The following ZNF704 variants were observed in gnomAD, a reference collection of about 807,000 sequenced individuals.
The protein encoded by ZNF704 is glucocorticoid induced gene 1.
Under a neutral mutation model 44.7 loss-of-function variants are expected in ZNF704, and 10 were observed. The observed-to-expected ratio is 0.22, with a 90% CI of 0.14 to 0.38. The LOEUF is 0.38. Ranked by LOEUF, ZNF704 falls within the 10% of genes least tolerant of loss-of-function variation. ZNF704 has a pLI of 1.00. For synonymous variants in ZNF704, 211 were observed against 207.6 expected, an observed-to-expected ratio of 1.02 and a Z score of -0.14; for missense variants, 390 against 545.5, an observed-to-expected ratio of 0.71 and a Z score of 2.84.
chr8:80,695,444 C>T lies in ZNF704; in HGVS notation c.222-2337G>A, dbSNP rs182980371. On this transcript the variant is annotated intron_variant, in intron 2 of 8. Coordinates refer to ENST00000327835, the MANE Select transcript of ZNF704 (RefSeq NM_001033723.3). ...GGTTTAAGAACCAGGATAGGAGGCCCGTGCACCTGGTATAGGTGGATGACA... is the reference window on the plus strand; with the variant it reads ...GGTTTAAGAACCAGGATAGGAGGCCTGTGCACCTGGTATAGGTGGATGACA... Among the ~76,000 whole-genome samples, 21 of 152,332 alleles carry T rather than the reference C, an allele frequency of 1.4e-4. 1 individual carries two copies. Among genetic ancestry groups the T allele is most frequent in the Admixed American group, 1.2e-3 (18 of 15,310 alleles).
chr8:80,680,685 C>T (rs1481514680), intron 4 of ZNF704, among the ~76,000 whole-genome samples: 1 of 152,114 alleles, frequency 6.6e-6, no homozygotes, highest in Admixed American at 6.5e-5. Context: ...GGTAGGGGTT[C>T]CAGAAGCAGC....
At chr8:80,660,969 T>C (rs941939652) in intron 6 of ZNF704, among the ~76,000 whole-genome samples, 3 of 152,168 alleles carry the variant, frequency 2.0e-5, no homozygotes, top group African/African-American at 7.2e-5. Context: ...CTAAAAAGCT[T>C]CTGCACGGCA....
At chr8:80,783,945 C>T (rs56035765) in intron 2 of ZNF704, among the ~76,000 whole-genome samples, 22,722 of 152,140 alleles carry the variant, frequency 0.15, 2,842 homozygotes, top group African/African-American at 0.35. Flanking sequence ...CAATTTTGTC[C>T]TTTCCAGAAT....
At chr8:80,670,312 T>C (rs6983477) in intron 5 of ZNF704, among the ~76,000 whole-genome samples, 191 bp downstream of exon 5, 14,240 of 152,204 alleles carry the variant, frequency 0.094, 2,214 homozygotes, top group African/African-American at 0.32. Flanking sequence ...TAGGATGTTA[T>C]ATCCTTGTTC....
chr8:80,750,141 G>A (rs1385503652), intron 2 of ZNF704, among the ~76,000 whole-genome samples: 1 of 152,082 alleles, frequency 6.6e-6, no homozygotes, highest in East Asian at 1.9e-4. Context: ...CCAAGGTATG[G>A]TCTCACAGTC....
At chr8:80,681,580 A>C (rs1818454632) in intron 4 of ZNF704, among the ~76,000 whole-genome samples, 1 of 152,198 alleles carries the variant, frequency 6.6e-6, no homozygotes, top group African/African-American at 2.4e-5. Context: ...AAAACTCACT[A>C]AATGGTATAC....
intron 1 of ZNF704, among the ~76,000 whole-genome samples, chr8:80,830,669 CGGAA>C (rs375077969): frequency 1.4e-5 from 2 of 145,300 alleles, no homozygotes; most frequent in South Asian, 2.2e-4. Context: ...GAAGGATGGA[CGGAA>C]GGAAGGAAGG....
intron 1 of ZNF704, among the ~76,000 whole-genome samples, chr8:80,825,013 C>T (rs1808347482): frequency 6.6e-6 from 1 of 152,158 alleles, no homozygotes; most frequent in Non-Finnish European, 1.5e-5. Context: ...GAAACCGCAT[C>T]AACTAATGAG....
intron 2 of ZNF704, among the ~76,000 whole-genome samples, chr8:80,717,761 C>A (rs1308344705): frequency 6.6e-6 from 1 of 152,154 alleles, no homozygotes; most frequent in African/African-American, 2.4e-5. Context: ...TCCTAGTGAT[C>A]TTGTTGAAAT....
At chr8:80,864,501 CTTTG>C (rs1809120818) in intron 1 of ZNF704, among the ~76,000 whole-genome samples, 1 of 152,082 alleles carries the variant, frequency 6.6e-6, no homozygotes, top group Admixed American at 6.6e-5. Context: ...CCAATTTCCT[CTTTG>C]TTTGAAATAT....
In ZNF704 at chr8:80,628,817, G is replaced by A. The variant is rs751774059; in HGVS notation, c.*12549C>T. Reference sequence around the variant, plus strand: ...TGTAGCAAATCCTTAACTCTGGGGGGACAGAGCCACTTCTGCATTTTACAC... The same window carrying A: ...TGTAGCAAATCCTTAACTCTGGGGGAACAGAGCCACTTCTGCATTTTACAC... On this transcript the variant is annotated 3_prime_UTR_variant, in exon 9 of 9. Transcript: ENST00000327835. 1 of 152,208 alleles carries A rather than the reference G, an allele frequency of 6.6e-6. No homozygotes were observed. Among genetic ancestry groups the A allele is most frequent in the African/African-American group, 2.4e-5 (1 of 41,450 alleles). 9.4% of individuals were successfully genotyped at this position (152,208 alleles called of 1,614,324 possible).
In ZNF704 at chr8:80,759,622, C is replaced by G. The variant is rs1369402393; in HGVS notation, c.221+61752G>C. ...GACTGAGGAGAGGTCTAACTCTAGT[C>G]AATAGCAGCTAGGAATTAAGGCCCT... On this transcript the variant is annotated intron_variant, in intron 2 of 8. Coordinates refer to ENST00000327835, the MANE Select transcript of ZNF704 (RefSeq NM_001033723.3). 3.3e-5 allele frequency among the ~76,000 whole-genome samples: 5 copies of G among 152,140 alleles called. No homozygotes were observed. The East Asian group carries it at 7.7e-4, about 23-fold the overall frequency.
At chr8:80,737,476 G>A (rs1806686351) in intron 2 of ZNF704, among the ~76,000 whole-genome samples, 1 of 152,164 alleles carries the variant, frequency 6.6e-6, no homozygotes, top group African/African-American at 2.4e-5. Flanking sequence ...TCATGACATG[G>A]CAGCTGGCTT....
chr8:80,775,727 A>T (rs1166509883), intron 2 of ZNF704, among the ~76,000 whole-genome samples: 1 of 152,234 alleles, frequency 6.6e-6, no homozygotes, highest in Non-Finnish European at 1.5e-5. Context: ...TACTGTGAGT[A>T]CAATACAATA....
intron 2 of ZNF704, among the ~76,000 whole-genome samples, chr8:80,742,074 A>C (rs1209710015): frequency 6.6e-6 from 1 of 152,220 alleles, no homozygotes; most frequent in Non-Finnish European, 1.5e-5. Flanking sequence ...TCAGGAAGCC[A>C]TTAGGAGATT....
At chr8:80,864,525 T>TA (rs571170042) in intron 1 of ZNF704, among the ~76,000 whole-genome samples, 37 of 152,156 alleles carry the variant, frequency 2.4e-4, no homozygotes, top group African/African-American at 7.5e-4. Context: ...TTTTATAAAA[T>TA]AAAAAAAATT....
At chr8:80,787,426 A>C (rs1807633411) in intron 2 of ZNF704, among the ~76,000 whole-genome samples, 1 of 152,174 alleles carries the variant, frequency 6.6e-6, no homozygotes, top group African/African-American at 2.4e-5. Flanking sequence ...AAAACCCTAC[A>C]AGAGTTAGGA....
At chr8:80,790,461 G>A (rs62515122) in intron 2 of ZNF704, among the ~76,000 whole-genome samples, 224 of 152,154 alleles carry the variant, frequency 1.5e-3, no homozygotes, top group African/African-American at 3.2e-3. Context: ...GAAAGGTACC[G>A]GAAATAAAAA....
chr8:80,878,981 TG>T (rs1809393067), upstream of ZNF704, among the ~76,000 whole-genome samples: 1 of 152,226 alleles, frequency 6.6e-6, no homozygotes, highest in Non-Finnish European at 1.5e-5. Context: ...AATAGAACGC[TG>T]GATTGAGATT....
Sources: allele counts gnomAD v4.1 joint callset (sites outside exome capture counted in the v4.1 genomes callset), GRCh38; gene constraint gnomAD v4.1.1; transcripts MANE v1.5; gene names NCBI Gene and HGNC (gene_info 2026-07-23, HGNC 2026-07-21).